The following SLC5A12 variants were observed in gnomAD, a reference collection of about 807,000 sequenced individuals.
The protein encoded by SLC5A12 is solute carrier family 5 member 12, also known as sodium-coupled monocarboxylate transporter 2.
A neutral mutation model predicts 72.7 loss-of-function variants in SLC5A12; 46 were observed. The ratio of observed to expected loss-of-function variants is 0.63; its 90% CI spans 0.50 to 0.81. The LOEUF is 0.81. Ranked by LOEUF, SLC5A12 falls within the 30% of genes least tolerant of loss-of-function variation. SLC5A12 has a pLI of 0.00. For synonymous variants in SLC5A12, 275 were observed against 264.4 expected, an observed-to-expected ratio of 1.04 and a Z score of -0.39; for missense variants, 683 against 740.7, an observed-to-expected ratio of 0.92 and a Z score of 0.90.
chr11:26,673,518 C>T lies in SLC5A12; in HGVS notation c.1591G>A (p.Gly531Ser), dbSNP rs751862698. 6.2e-7 allele frequency: 1 copy of T among 1,605,832 alleles called. No individual in the cohort carries two copies. Among genetic ancestry groups the T allele is most frequent in the Non-Finnish European group, 8.5e-7 (1 of 1,176,470 alleles). Residue 531 changes from glycine to serine, a missense_variant, in exon 14 of 15, where the codon GGT (glycine) becomes AGT (serine). Transcript: ENST00000396005. Reference sequence around the variant, plus strand: ...ATTAACAGTGGTTGAATATCCTCACCTCTTTGGCGACCTATTAACAAAAGA... The same window carrying T: ...ATTAACAGTGGTTGAATATCCTCACTTCTTTGGCGACCTATTAACAAAAGA... ...IISLITGRQR[G>S]EDIQPLLIRP...
At chr11:26,686,017 T>A (rs2133155688) in intron 10 of SLC5A12, among the ~76,000 whole-genome samples, 1 of 152,304 alleles carries the variant, frequency 6.6e-6, no homozygotes, top group South Asian at 2.1e-4. Context: ...GGAAAATTAG[T>A]GCATTAATTA....
intron 6 of SLC5A12, among the ~76,000 whole-genome samples, chr11:26,703,076 C>T (rs1854997660): frequency 1.3e-5 from 2 of 152,074 alleles, no homozygotes; most frequent in Non-Finnish European, 2.9e-5. Flanking sequence ...TGGTAACTGC[C>T]TAATTCATAA....
intron 13 of SLC5A12, among the ~76,000 whole-genome samples, chr11:26,676,832 C>T (rs1854277520): frequency 1.3e-5 from 2 of 152,024 alleles, no homozygotes; most frequent in South Asian, 2.1e-4. Context: ...TTCTATGTGT[C>T]AACATGTATG....
chr11:26,702,111 A>G lies in SLC5A12; in HGVS notation c.821+1420T>C, dbSNP rs530211591. 4.6e-5 allele frequency among the ~76,000 whole-genome samples: 7 copies of G among 152,346 alleles called. No individual in the cohort carries two copies. The East Asian group carries it at 1.3e-3, about 29-fold the overall frequency. On this transcript the variant is annotated intron_variant, in intron 6 of 14. Transcript: ENST00000396005. ...AGCCAACTATAATCTATTTTAGAGC[A>G]GAATTTTAAATGAAATTTTCGGATC...
chr11:26,670,177 G>A lies in SLC5A12; in HGVS notation c.*925C>T, dbSNP rs1854106139. ...TGAATGAGCAGAGTACAAGTCTTAT[G>A]GACAATGTATTTTCTCCAAAGAAGA... On this transcript the variant is annotated 3_prime_UTR_variant, in exon 15 of 15. Transcript: ENST00000396005. The A allele has an allele frequency of 6.6e-6, 1 of 152,100 alleles. No individual in the cohort carries two copies. The highest frequency in any genetic ancestry group is 1.5e-5 in the Non-Finnish European group (1 of 68,028). 9.4% of individuals were successfully genotyped at this position (152,100 alleles called of 1,614,324 possible).
chr11:26,671,264 C>G lies in SLC5A12; in HGVS notation c.1708-13G>C, dbSNP rs7128731. The G allele has an allele frequency of 0.09, 141,452 of 1,575,854 alleles. 7,379 individuals carry two copies. The highest frequency in any genetic ancestry group is 0.18 in the African/African-American group (13,311 of 73,236). ...TCTCAAGGTTTTCCTGAGGGAAATA[C>G]AAAGACACATATTAGCAAGATATCC... is the stretch of plus-strand genomic sequence containing the variant. On this transcript the variant is annotated splice_polypyrimidine_tract_variant and intron_variant, in intron 14 of 14. Coordinates refer to ENST00000396005, the MANE Select transcript of SLC5A12 (RefSeq NM_178498.4).
chr11:26,707,030 T>C (rs759169553), intron 4 of SLC5A12, among the ~76,000 whole-genome samples: 3 of 151,866 alleles, frequency 2.0e-5, no homozygotes, highest in Non-Finnish European at 4.4e-5. Context: ...AGATTTTTCT[T>C]TAGGGAAGAT....
At position 26,671,194 on chromosome 11, in the gene SLC5A12, C is replaced by T. The variant is rs766183829; in HGVS notation, c.1765G>A (p.Gly589Arg). ...TGTACCAGGCTTTCTCTTCTGAGTC[C>T]GTTCTGTAAGACAGATTCAGCCCCC... Reference protein sequence around the residue: ...KQGAESVLQNGLRRESLVHVP... With the variant: ...KQGAESVLQNRLRRESLVHVP... The change falls in exon 15 of 15, where the codon GGA becomes AGA. Residue 589 changes from glycine to arginine, a missense_variant. Transcript: ENST00000396005. The T allele has an allele frequency of 9.3e-6, 15 of 1,612,078 alleles. No homozygotes were observed. The highest frequency in any genetic ancestry group is 4.5e-5 in the East Asian group (2 of 44,748).
intron 9 of SLC5A12, among the ~76,000 whole-genome samples, chr11:26,688,287 T>A (rs143177396): frequency 6.6e-6 from 1 of 152,198 alleles, no homozygotes; most frequent in African/African-American, 2.4e-5. Flanking sequence ...CAATGCAGCA[T>A]CAGCTCGGAG....
chr11:26,696,153 T>A (rs1854806829), intron 8 of SLC5A12, among the ~76,000 whole-genome samples: 1 of 152,200 alleles, frequency 6.6e-6, no homozygotes, highest in African/African-American at 2.4e-5. Context: ...CTTGTTAATC[T>A]TTTTTACTCA....
At position 26,680,350 on chromosome 11, in the gene SLC5A12, C is replaced by CATATATATATATGTATATATATTCAT. The variant is rs769129594; in HGVS notation, c.1475+704_1475+705insATGAATATATATACATATATATATAT. On this transcript the variant is annotated intron_variant, in intron 12 of 14. Transcript: ENST00000396005. ...ATTCATATATATATGTATATATATT[C>CATATATATATATGTATATATATTCAT]ATATATATATGTATATATATTCATA... 1.1e-4 allele frequency among the ~76,000 whole-genome samples: 8 copies of CATATATATATATGTATATATATTCAT among 74,410 alleles called. 1 individual carries two copies. Among genetic ancestry groups the CATATATATATATGTATATATATTCAT allele is most frequent in the Admixed American group, 4.7e-4 (3 of 6,324 alleles). The allele number at this position is 74,410 out of a possible 152,430, so 48.8% of individuals were successfully genotyped here.
In SLC5A12 at chr11:26,703,934, G is replaced by T; in HGVS notation, c.539C>A (p.Ala180Glu). The change falls in exon 5 of 15, where the codon GCA (alanine) becomes GAA (glutamate). Residue 180 changes from alanine (A) to glutamate (E), a missense_variant. Physicochemically the swap from Ala to Glu is moderately radical, Grantham distance 107. Transcript: ENST00000396005. ...TFYCTLGGLK[A>E]VVWTDAFQMV... is the part of the protein sequence containing the mutation. Reference sequence around the variant, plus strand: ...CTGAAATGCATCTGTCCACACCACTGCTTTTAATCCTCCCTGAAATAGAGA... The same window carrying T: ...CTGAAATGCATCTGTCCACACCACTTCTTTTAATCCTCCCTGAAATAGAGA... 6.2e-7 allele frequency: 1 copy of T among 1,613,634 alleles called. No homozygotes were observed. Among genetic ancestry groups the T allele is most frequent in the Non-Finnish European group, 8.5e-7 (1 of 1,179,726 alleles).
Position 26,698,603 on chromosome 11 carries a change from A to G in SLC5A12, c.822-68T>C. On this transcript the variant is annotated intron_variant, in intron 6 of 14. Coordinates refer to ENST00000396005, the MANE Select transcript of SLC5A12 (RefSeq NM_178498.4). ...ATCATACTGTGGTGAGGTCATTACC[A>G]GGTACTCAAGGTAAAGGGTTTTGGG... The G allele has an allele frequency of 2.7e-6, 4 of 1,480,366 alleles. No homozygotes were observed. The South Asian group carries it at 5.4e-5, about 20-fold the overall frequency. The allele number at this position is 1,480,366 out of a possible 1,614,324, so 91.7% of individuals were successfully genotyped here.
intron 11 of SLC5A12, 70 bp from the exon 12 acceptor site, chr11:26,681,291 G>GCCC: frequency 2.6e-6 from 3 of 1,163,974 alleles, no homozygotes; most frequent in Non-Finnish European, 3.5e-6. Context: ...ATGAGATGAG[G>GCCC]AGTTCTATGC....
At chr11:26,685,459 A>C (rs1025877381) in intron 10 of SLC5A12, among the ~76,000 whole-genome samples, 1 of 151,918 alleles carries the variant, frequency 6.6e-6, no homozygotes, top group Non-Finnish European at 1.5e-5. Flanking sequence ...ATCTCTACTA[A>C]AACTACAAAA....
At chr11:26,675,671 A>C (rs11029670) in intron 13 of SLC5A12, among the ~76,000 whole-genome samples, 1 of 152,096 alleles carries the variant, frequency 6.6e-6, no homozygotes, top group African/African-American at 2.4e-5. Flanking sequence ...GGTTTTGAGG[A>C]AAGTTCCCCT....
chr11:26,722,245 G>T (rs560134261), upstream of SLC5A12, among the ~76,000 whole-genome samples: 2 of 152,250 alleles, frequency 1.3e-5, no homozygotes, highest in South Asian at 2.1e-4. Flanking sequence ...GAGAGTGAAG[G>T]CTGTGTGCCT....
At position 26,669,201 on chromosome 11, in the gene SLC5A12, T is replaced by TTCTTTCTTTCTTTC. The variant is rs1854078373; in HGVS notation, c.*1887_*1900dup. On this transcript the variant is annotated 3_prime_UTR_variant, in exon 15 of 15. Coordinates refer to ENST00000396005, the MANE Select transcript of SLC5A12 (RefSeq NM_178498.4). The stretch of plus-strand genomic sequence containing the variant: ...TTTCTTTCTTCTTTTCTTTCTTTCT[T>TTCTTTCTTTCTTTC]TCTTTCTTTCTTTCTTTCTCTCTCT... The TTCTTTCTTTCTTTC allele has an allele frequency of 7.3e-6, 1 of 137,694 alleles. No individual in the cohort carries two copies. The highest frequency in any genetic ancestry group is 1.5e-5 in the Non-Finnish European group (1 of 65,080). The allele number at this position is 137,694 out of a possible 1,614,324, so 8.5% of individuals were successfully genotyped here.
chr11:26,709,380 C>T lies in SLC5A12; in HGVS notation c.458-1G>A. ...GAGCCCCAGAGATCAAACCCAGTCACTAGGAAAGAAGAAAAAAATATTAAA... is the reference window on the plus strand; with the variant it reads ...GAGCCCCAGAGATCAAACCCAGTCATTAGGAAAGAAGAAAAAAATATTAAA... On this transcript the variant is annotated splice_acceptor_variant, in intron 3 of 14. Coordinates refer to ENST00000396005, the MANE Select transcript of SLC5A12 (RefSeq NM_178498.4). LOFTEE classifies it high-confidence loss of function. 1 of 1,606,364 alleles carries T rather than the reference C, an allele frequency of 6.2e-7. No individual in the cohort carries two copies. Among genetic ancestry groups the T allele is most frequent in the Non-Finnish European group, 8.5e-7 (1 of 1,176,440 alleles).
Sources: allele counts gnomAD v4.1 joint callset (sites outside exome capture counted in the v4.1 genomes callset), GRCh38; gene constraint gnomAD v4.1.1; transcripts MANE v1.5; gene names NCBI Gene and HGNC (gene_info 2026-07-23, HGNC 2026-07-21).